Variants in HS6ST3 observed in about 807,000 individuals in gnomAD.
HS6ST3 encodes the protein heparan-sulfate 6-O-sulfotransferase 3.
A neutral mutation model predicts 36.7 loss-of-function variants in HS6ST3; 12 were observed. The observed-to-expected ratio is 0.33, with a 90% CI of 0.21 to 0.53. HS6ST3 has a LOEUF of 0.53. HS6ST3 is among the 20% of genes least tolerant of loss of function. The pLI is 0.95. For synonymous variants in HS6ST3, 240 were observed against 257.5 expected, an observed-to-expected ratio of 0.93 and a Z score of 0.65; for missense variants, 584 against 640.9, an observed-to-expected ratio of 0.91 and a Z score of 0.96.
chr13:96,566,674 G>A (rs2056282534), intron 1 of HS6ST3, among the ~76,000 whole-genome samples: 1 of 152,130 alleles, frequency 6.6e-6, no homozygotes, highest in South Asian at 2.1e-4. Context: ...AGACATAATT[G>A]TAGGATAGTA....
chr13:96,250,595 A>T (rs2054603359), intron 1 of HS6ST3, among the ~76,000 whole-genome samples: 1 of 152,146 alleles, frequency 6.6e-6, no homozygotes, highest in African/African-American at 2.4e-5. Context: ...CTCTGTCAGT[A>T]CCTTGGTTTC....
At chr13:96,393,754 CT>C (rs2055407530) in intron 1 of HS6ST3, among the ~76,000 whole-genome samples, 1 of 152,080 alleles carries the variant, frequency 6.6e-6, no homozygotes, top group South Asian at 2.1e-4. Flanking sequence ...GGGAGATGGG[CT>C]TGTTTAAAGA....
At chr13:96,186,225 T>A (rs1198754348) in intron 1 of HS6ST3, among the ~76,000 whole-genome samples, 3 of 152,132 alleles carry the variant, frequency 2.0e-5, no homozygotes, top group African/African-American at 4.8e-5. Flanking sequence ...TTTCCTTTTG[T>A]GAAAAATGAA....
chr13:96,432,439 T>C (rs1432253186), intron 1 of HS6ST3, among the ~76,000 whole-genome samples: 2 of 152,202 alleles, frequency 1.3e-5, no homozygotes, highest in Non-Finnish European at 2.9e-5. Context: ...TTTTCTAGTA[T>C]ATTGTTAATA....
intron 1 of HS6ST3, among the ~76,000 whole-genome samples, chr13:96,812,182 C>T (rs975083330): frequency 1.3e-5 from 2 of 152,138 alleles, no homozygotes; most frequent in Admixed American, 1.3e-4. Context: ...GTATAGAAAA[C>T]TTTACAGATG....
At chr13:96,466,743 T>G (rs1208020741) in intron 1 of HS6ST3, among the ~76,000 whole-genome samples, 1 of 148,868 alleles carries the variant, frequency 6.7e-6, no homozygotes, top group Non-Finnish European at 1.5e-5. Flanking sequence ...TATCAAACCA[T>G]GAAGTTGGAT....
chr13:96,582,195 G>A (rs1566403136), intron 1 of HS6ST3, among the ~76,000 whole-genome samples: 1 of 152,138 alleles, frequency 6.6e-6, no homozygotes, highest in Non-Finnish European at 1.5e-5. Context: ...TCATGATACA[G>A]CCTAAGAAGG....
intron 1 of HS6ST3, among the ~76,000 whole-genome samples, chr13:96,314,806 C>G (rs1460735545): frequency 6.6e-6 from 1 of 152,116 alleles, no homozygotes; most frequent in African/African-American, 2.4e-5. Context: ...TGGGAATCCT[C>G]TATTTATTGG....
intron 1 of HS6ST3, among the ~76,000 whole-genome samples, chr13:96,555,764 A>G (rs1439897624): frequency 3.3e-5 from 5 of 152,204 alleles, no homozygotes; most frequent in Admixed American, 3.3e-4. Flanking sequence ...GTGTCCAAAA[A>G]TATACAAGAA....
chr13:96,777,529 C>G (rs1052240505), intron 1 of HS6ST3, among the ~76,000 whole-genome samples: 1 of 151,952 alleles, frequency 6.6e-6, no homozygotes, highest in East Asian at 1.9e-4. Context: ...TCCTATACAC[C>G]AATAACGAAC....
At chr13:96,548,505 A>G (rs2056206057) in intron 1 of HS6ST3, among the ~76,000 whole-genome samples, 2 of 152,192 alleles carry the variant, frequency 1.3e-5, no homozygotes, top group Non-Finnish European at 2.9e-5. Context: ...TGCTTTGTGT[A>G]TTAGTCAAGA....
At chr13:96,495,764 A>T (rs1460450240) in intron 1 of HS6ST3, among the ~76,000 whole-genome samples, 1 of 152,136 alleles carries the variant, frequency 6.6e-6, no homozygotes, top group African/African-American at 2.4e-5. Flanking sequence ...AGTATTTTTG[A>T]ATGCATCCCT....
intron 1 of HS6ST3, among the ~76,000 whole-genome samples, chr13:96,400,894 C>T (rs1207922617): frequency 6.6e-6 from 1 of 151,894 alleles, no homozygotes. Flanking sequence ...CTCCTGGTTT[C>T]CAGACTCAGA....
chr13:96,091,385 T>G lies in HS6ST3; in HGVS notation c.523T>G (p.Cys175Gly). ...GAAGAACATCCGGCTGGAGCAGCCT[T>G]GTAGCTGCAAAGCGGGTCAGAAGAA... is the stretch of plus-strand genomic sequence containing the variant. ...LVKNIRLEQP[C>G]SCKAGQKKCT... Residue 175 changes from cysteine to glycine, a missense_variant, in exon 1 of 2, where the codon TGT (cysteine) becomes GGT (glycine). This residue lies in a region of HS6ST3 where 360 missense variants were observed against 411.3 expected (regional missense o/e 0.88). Coordinates refer to ENST00000376705, the MANE Select transcript of HS6ST3 (RefSeq NM_153456.4). 1 of 1,613,884 alleles carries G rather than the reference T, an allele frequency of 6.2e-7. No individual in the cohort carries two copies. Among genetic ancestry groups the G allele is most frequent in the Middle Eastern group, 1.6e-4 (1 of 6,062 alleles).
intron 1 of HS6ST3, among the ~76,000 whole-genome samples, chr13:96,141,790 TAC>T (rs965637575): frequency 2.6e-5 from 4 of 152,110 alleles, no homozygotes; most frequent in Non-Finnish European, 4.4e-5. Flanking sequence ...TAAGGCTCAT[TAC>T]ACACAGTACT....
At chr13:96,310,839 C>T (rs1390688333) in intron 1 of HS6ST3, among the ~76,000 whole-genome samples, 2 of 152,114 alleles carry the variant, frequency 1.3e-5, no homozygotes, top group Non-Finnish European at 2.9e-5. Context: ...TACAGTTCAC[C>T]TTAAAAATGT....
intron 1 of HS6ST3, among the ~76,000 whole-genome samples, chr13:96,229,925 G>T (rs1295321609): frequency 6.6e-6 from 1 of 152,164 alleles, no homozygotes; most frequent in Admixed American, 6.5e-5. Flanking sequence ...AAACATTTAG[G>T]CTGTGTCTCA....
chr13:96,699,740 TG>T (rs1875235007), intron 1 of HS6ST3, among the ~76,000 whole-genome samples: 1 of 152,252 alleles, frequency 6.6e-6, no homozygotes, highest in Admixed American at 6.5e-5. Context: ...ATCCCATTAC[TG>T]GGTATATACC....
chr13:96,623,447 T>G (rs1330312904), intron 1 of HS6ST3, among the ~76,000 whole-genome samples: 2 of 151,936 alleles, frequency 1.3e-5, no homozygotes, highest in Non-Finnish European at 2.9e-5. Flanking sequence ...TGGCCTATCT[T>G]GGACTTCAAT....
Sources: allele counts gnomAD v4.1 joint callset (sites outside exome capture counted in the v4.1 genomes callset), GRCh38; gene constraint gnomAD v4.1.1; regional missense constraint gnomAD v4.1.1; transcripts MANE v1.5; gene names NCBI Gene and HGNC (gene_info 2026-07-23, HGNC 2026-07-21).